ALDH4A1: variants seen among roughly 807,000 people sequenced by gnomAD.
ALDH4A1 encodes the protein aldehyde dehydrogenase 4 family member A1.
In ALDH4A1, 46 loss-of-function variants were observed where a neutral mutation model predicts 70.5. That is an observed-to-expected ratio of 0.65 (90% CI 0.51 to 0.83). The LOEUF is 0.83. Ranked by LOEUF, ALDH4A1 falls within the 40% of genes least tolerant of loss-of-function variation. The pLI is 0.00. For synonymous variants in ALDH4A1, 323 were observed against 324.3 expected (o/e 1.00, Z 0.04); for missense variants, 749 against 766.5 (o/e 0.98, Z 0.27).
At chr1:18,873,067 G>A (rs1221921572) in intron 14 of ALDH4A1, 110 bp from the exon 15 acceptor site, 15 of 946,502 alleles carry the variant, frequency 1.6e-5, no homozygotes, top group South Asian at 4.1e-5. Flanking sequence ...GGCCAGCAGC[G>A]AGCCTGCTGC....
At chr1:18,894,831 A>T (rs1569793091) in intron 1 of ALDH4A1, among the ~76,000 whole-genome samples, 1 of 141,568 alleles carries the variant, frequency 7.1e-6, no homozygotes, top group African/African-American at 2.7e-5. Flanking sequence ...AAGGACTCCC[A>T]CCCATCAGTG....
At chr1:18,878,964 A>G (rs968155076) in intron 9 of ALDH4A1, among the ~76,000 whole-genome samples, 6 of 152,302 alleles carry the variant, frequency 3.9e-5, no homozygotes, top group African/African-American at 7.2e-5. Flanking sequence ...GCCTCCGCTT[A>G]CAGCTGCAAT....
chr1:18,873,747 C>A (rs529345959), intron 14 of ALDH4A1, among the ~76,000 whole-genome samples: 20 of 152,312 alleles, frequency 1.3e-4, no homozygotes, highest in African/African-American at 4.3e-4. Context: ...TCATCTGTAT[C>A]CTTTAAAATA....
chr1:18,885,304 C>T, intron 5 of ALDH4A1, 169 bp downstream of exon 5: 3 of 661,950 alleles, frequency 4.5e-6, no homozygotes, highest in Non-Finnish European at 7.8e-6. Context: ...GCCTAATAAT[C>T]TGTGATCATC....
intron 5 of ALDH4A1, 147 bp from the exon 6 acceptor site, chr1:18,883,575 C>T (rs1427199923): frequency 8.5e-7 from 1 of 1,175,146 alleles, no homozygotes. Context: ...GGTCCCATCC[C>T]AGGGGCTGAG....
intron 14 of ALDH4A1, among the ~76,000 whole-genome samples, chr1:18,873,434 C>A (rs1476806176): frequency 6.6e-6 from 1 of 152,172 alleles, no homozygotes; most frequent in Non-Finnish European, 1.5e-5. Context: ...AATGAGGGCT[C>A]TTGCAGGATG....
chr1:18,885,908 CTCATGG>C (rs1333656951), intron 4 of ALDH4A1, among the ~76,000 whole-genome samples: 1 of 152,226 alleles, frequency 6.6e-6, no homozygotes, highest in Non-Finnish European at 1.5e-5. Context: ...TCCACTTTCT[CTCATGG>C]TCTAATCAAA....
chr1:18,878,452 A>G (rs1004250614), intron 9 of ALDH4A1, among the ~76,000 whole-genome samples: 1 of 152,118 alleles, frequency 6.6e-6, no homozygotes, highest in African/African-American at 2.4e-5. Flanking sequence ...CCACCAGTCC[A>G]GGAACAGGGT....
chr1:18,873,293 A>G (rs1934527102), intron 14 of ALDH4A1, among the ~76,000 whole-genome samples: 1 of 152,334 alleles, frequency 6.6e-6, no homozygotes, highest in South Asian at 2.1e-4. Context: ...TAAGAGGTAC[A>G]TATCTAGCCT....
At chr1:18,895,360 C>G (rs1935582024) in intron 1 of ALDH4A1, among the ~76,000 whole-genome samples, 2 of 152,194 alleles carry the variant, frequency 1.3e-5, no homozygotes, top group African/African-American at 4.8e-5. Flanking sequence ...TCTACGAAGG[C>G]CATGCACCGT....
At chr1:18,895,829 T>G (rs1935598437) in intron 1 of ALDH4A1, among the ~76,000 whole-genome samples, 1 of 152,162 alleles carries the variant, frequency 6.6e-6, no homozygotes, top group South Asian at 2.1e-4. Flanking sequence ...CCAGCCCTGC[T>G]CCAGTCTCCA....
At chr1:18,888,420 G>A (rs113320448) in intron 3 of ALDH4A1, among the ~76,000 whole-genome samples, 1,674 of 152,318 alleles carry the variant, frequency 0.011, 31 homozygotes, top group African/African-American at 0.039. Flanking sequence ...TCGTGCCACA[G>A]TGATCAGCAC....
At chr1:18,897,307 C>T (rs368250819) in intron 1 of ALDH4A1, among the ~76,000 whole-genome samples, 120 of 152,280 alleles carry the variant, frequency 7.9e-4, no homozygotes, top group African/African-American at 2.8e-3. Context: ...CTTTGGGAGG[C>T]GGAAGAGGGC....
intron 7 of ALDH4A1, chr1:18,882,547 T>G (rs1400693470): frequency 1.9e-6 from 1 of 530,248 alleles, no homozygotes; most frequent in African/African-American, 1.9e-5. Context: ...CGAGAGAGAC[T>G]ACATCCAAAT....
intron 1 of ALDH4A1, among the ~76,000 whole-genome samples, chr1:18,897,650 C>T (rs535548703): frequency 2.6e-5 from 4 of 152,344 alleles, no homozygotes; most frequent in Non-Finnish European, 1.5e-5. Context: ...GAGTTACTCA[C>T]TCCTGGCTCA....
chr1:18,872,904 G>A lies in ALDH4A1; in HGVS notation c.1633C>T (p.Gln545Ter). ...PHYILRWTSPQVIKETHKPLG... is the reference protein window; with the variant it reads ...PHYILRWTSP The stretch of plus-strand genomic sequence containing the variant: ...GGCTTATGTGTCTCCTTGATGACCT[G>A]CGGCGACGTCCAGCGCAGGATGTAG... Residue 545 changes from glutamine (Q) to a stop codon, truncating the protein, a stop_gained, in exon 15 of 15, where the codon CAG becomes TAG. Transcript: ENST00000375341. LOFTEE classifies it high-confidence loss of function. 1 of 1,614,116 alleles carries A rather than the reference G, an allele frequency of 6.2e-7. No homozygotes were observed. Among genetic ancestry groups the A allele is most frequent in the Non-Finnish European group, 8.5e-7 (1 of 1,180,026 alleles).
At chr1:18,876,525 C>G (rs1180231324) in intron 11 of ALDH4A1, 58 bp from the exon 12 acceptor site, 1 of 1,515,984 alleles carries the variant, frequency 6.6e-7, no homozygotes, top group African/African-American at 1.4e-5. Context: ...CCTGCGGCAG[C>G]CCCCACAACA....
rs1934903932 is a variant in ALDH4A1, at chr1:18,880,038, C to T, written c.867-665G>A. Among the ~76,000 whole-genome samples the T allele has an allele frequency of 1.4e-5, 2 of 142,440 alleles. No individual in the cohort carries two copies. Among genetic ancestry groups the T allele is most frequent in the African/African-American group, 5.4e-5 (2 of 37,058 alleles). The allele number at this position is 142,440 out of a possible 152,430, so 93.4% of individuals were successfully genotyped here. A position where few individuals can be genotyped will look rare whatever the true frequency, so the allele number is the denominator to read the frequency against. On this transcript the variant is annotated intron_variant, in intron 8 of 14. Transcript: ENST00000375341. The surrounding 1 kb of genome is among the most constrained non-coding windows in gnomAD (Gnocchi z 5.1). Reference sequence around the variant, plus strand: ...CCTTTAAGCCCGCTGCTCATCAGAGCGTGGAGAATGGGGTCCAGGCCCGCT... The same window carrying T: ...CCTTTAAGCCCGCTGCTCATCAGAGTGTGGAGAATGGGGTCCAGGCCCGCT...
intron 7 of ALDH4A1, chr1:18,882,668 C>G (rs746090442): frequency 1.8e-6 from 1 of 544,288 alleles, no homozygotes; most frequent in African/African-American, 1.9e-5. Context: ...AACTCCCTCT[C>G]GAAGCTGCTG....
Sources: allele counts gnomAD v4.1 joint callset (sites outside exome capture counted in the v4.1 genomes callset), GRCh38; gene constraint gnomAD v4.1.1; non-coding constraint Gnocchi (gnomAD v3.1); transcripts MANE v1.5; gene names NCBI Gene and HGNC (gene_info 2026-07-23, HGNC 2026-07-21).